CNTNAP2: variants seen among roughly 807,000 people sequenced by gnomAD.
CNTNAP2 encodes contactin-associated protein-like 2.
A neutral mutation model predicts 155.2 loss-of-function variants in CNTNAP2; 98 were observed. The observed-to-expected ratio is 0.63, with a 90% CI of 0.54 to 0.75. The LOEUF (loss-of-function observed/expected upper bound fraction) is 0.75, where lower values mean the gene tolerates loss of function less well. CNTNAP2 is among the 30% of genes least tolerant of loss of function. The pLI, the probability that CNTNAP2 is intolerant of heterozygous loss-of-function variation, is 0.00. For synonymous variants in CNTNAP2, 651 were observed against 631.2 expected, an observed-to-expected ratio of 1.03 and a Z score of -0.47; for missense variants, 1,727 against 1,688.1, an observed-to-expected ratio of 1.02 and a Z score of -0.40.
At chr7:147,041,401 A>G (rs984233412) in intron 3 of CNTNAP2, among the ~76,000 whole-genome samples, 3 of 152,200 alleles carry the variant, frequency 2.0e-5, no homozygotes, top group Non-Finnish European at 1.5e-5. Context: ...TAGAGAGGCT[A>G]CCCATACAAA....
At chr7:147,056,472 A>G (rs1217715650) in intron 4 of CNTNAP2, among the ~76,000 whole-genome samples, 1 of 152,202 alleles carries the variant, frequency 6.6e-6, no homozygotes, top group African/African-American at 2.4e-5. Context: ...TCCAAAGGAC[A>G]GGGACTGAGC....
chr7:146,907,831 C>G (rs1796172282), intron 3 of CNTNAP2, among the ~76,000 whole-genome samples: 1 of 151,984 alleles, frequency 6.6e-6, no homozygotes, highest in Non-Finnish European at 1.5e-5. Context: ...GGACTAAATG[C>G]TCTAATTAAA....
intron 18 of CNTNAP2, among the ~76,000 whole-genome samples, chr7:148,181,943 G>C (rs1795046078): frequency 1.3e-5 from 2 of 151,498 alleles, no homozygotes; most frequent in Non-Finnish European, 2.9e-5. Context: ...ATTTTTAGTA[G>C]AGACGGGGTT....
Position 148,293,224 on chromosome 7 carries a change from C to T in CNTNAP2, c.3475+26098C>T, listed in dbSNP as rs116767723. 5.3e-3 allele frequency among the ~76,000 whole-genome samples: 809 copies of T among 152,142 alleles called. 13 individuals are homozygous for T. The highest frequency in any genetic ancestry group is 0.018 in the African/African-American group (756 of 41,418). On this transcript the variant is annotated intron_variant, in intron 21 of 23. Transcript: ENST00000361727. The stretch of plus-strand genomic sequence containing the variant: ...ACGCATACACTCACACAAACACAAG[C>T]ATGGTATTTTTTGTGTGTGAGACAC...
intron 15 of CNTNAP2, among the ~76,000 whole-genome samples, chr7:148,007,264 G>A (rs138800174): frequency 1.5e-4 from 23 of 148,650 alleles, no homozygotes; most frequent in African/African-American, 4.9e-4. Context: ...GTAGGACTTC[G>A]TTGTACTTGG....
intron 1 of CNTNAP2, among the ~76,000 whole-genome samples, chr7:146,596,737 G>A (rs929510524): frequency 9.9e-5 from 15 of 151,820 alleles, no homozygotes; most frequent in African/African-American, 3.6e-4. Flanking sequence ...GCATGGATTC[G>A]AAAGTGAGCA....
At position 147,943,208 on chromosome 7, in the gene CNTNAP2, G is replaced by A. The variant is rs541880276; in HGVS notation, c.2256-34654G>A. ...ACAATACCTATCTCACTTTACTTTG[G>A]ACAACCAGATGCTTCAAAACTTGCT... On this transcript the variant is annotated intron_variant, in intron 14 of 23. Transcript: ENST00000361727. 1.7e-3 allele frequency among the ~76,000 whole-genome samples: 265 copies of A among 152,132 alleles called. 3 individuals carry two copies. Among genetic ancestry groups the A allele is most frequent in the African/African-American group, 6.2e-3 (258 of 41,494 alleles).
At chr7:146,893,309 AAG>A (rs759024032) in intron 3 of CNTNAP2, among the ~76,000 whole-genome samples, 6 of 151,988 alleles carry the variant, frequency 3.9e-5, no homozygotes, top group African/African-American at 9.7e-5. Flanking sequence ...TATCGTGCTG[AAG>A]AGAGTTATAA....
intron 1 of CNTNAP2, among the ~76,000 whole-genome samples, chr7:146,710,375 C>T (rs115051054): frequency 6.6e-6 from 1 of 152,216 alleles, no homozygotes; most frequent in East Asian, 1.9e-4. Flanking sequence ...GGACAAGAGG[C>T]CTGACTGTTT....
intron 20 of CNTNAP2, among the ~76,000 whole-genome samples, chr7:148,232,988 A>G (rs1397266613): frequency 6.6e-6 from 1 of 152,248 alleles, no homozygotes; most frequent in Non-Finnish European, 1.5e-5. Flanking sequence ...TGTAGTAGTT[A>G]TCAGACACCA....
chr7:148,365,751 CATGT>C (rs1798732002), intron 21 of CNTNAP2, among the ~76,000 whole-genome samples: 1 of 33,560 alleles, frequency 3.0e-5, no homozygotes, highest in South Asian at 6.2e-4. Context: ...TACATGTATA[CATGT>C]ATGTGTATAC....
chr7:148,417,910 CA>C lies in CNTNAP2; in HGVS notation c.*2298del. On this transcript the variant is annotated 3_prime_UTR_variant, in exon 24 of 24. Transcript: ENST00000361727. ...TCTCCTCCCTCTCCTTTTCCTGCCA[CA>C]AAAGGTGAAAAATGAGATCCAATCC... is the stretch of plus-strand genomic sequence containing the variant. 6.6e-6 allele frequency: 1 copy of C among 152,312 alleles called. No individual in the cohort carries two copies. The highest frequency in any genetic ancestry group is 1.5e-5 in the Non-Finnish European group (1 of 68,046). 9.4% of individuals were successfully genotyped at this position (152,312 alleles called of 1,614,324 possible).
intron 1 of CNTNAP2, among the ~76,000 whole-genome samples, chr7:146,227,076 C>A (rs1343461517): frequency 6.6e-6 from 1 of 151,896 alleles, no homozygotes; most frequent in African/African-American, 2.4e-5. Flanking sequence ...TATAGATAGG[C>A]ATAGAGAGAC....
At chr7:146,947,388 C>T (rs1360190854) in intron 3 of CNTNAP2, among the ~76,000 whole-genome samples, 1 of 106,568 alleles carries the variant, frequency 9.4e-6, no homozygotes, top group Admixed American at 9.4e-5. Flanking sequence ...CTCTCTTTCT[C>T]TCTCTCTCTC....
chr7:146,995,287 T>C (rs1025803932), intron 3 of CNTNAP2, among the ~76,000 whole-genome samples: 7 of 152,126 alleles, frequency 4.6e-5, no homozygotes, highest in African/African-American at 7.2e-5. Flanking sequence ...GAATAGACGC[T>C]GTAATAAAAA....
intron 8 of CNTNAP2, among the ~76,000 whole-genome samples, chr7:147,142,388 T>G (rs1227922754): frequency 6.6e-6 from 1 of 152,174 alleles, no homozygotes; most frequent in Non-Finnish European, 1.5e-5. Flanking sequence ...ATTGATTTTC[T>G]TATATTGAAC....
At chr7:148,148,618 G>A (rs569317830) in intron 17 of CNTNAP2, among the ~76,000 whole-genome samples, 1 of 152,144 alleles carries the variant, frequency 6.6e-6, no homozygotes, top group African/African-American at 2.4e-5. Flanking sequence ...CTGCCACTTG[G>A]GCTCCACCCT....
chr7:147,511,299 T>C (rs1182656425), intron 11 of CNTNAP2, among the ~76,000 whole-genome samples: 1 of 152,112 alleles, frequency 6.6e-6, no homozygotes, highest in Non-Finnish European at 1.5e-5. Context: ...CTTTTTCTTT[T>C]TGTTCTGATC....
chr7:146,853,435 T>A (rs149419989), intron 3 of CNTNAP2, among the ~76,000 whole-genome samples: 1 of 152,260 alleles, frequency 6.6e-6, no homozygotes, highest in African/African-American at 2.4e-5. Flanking sequence ...TAACTATTAA[T>A]CTCCCCCCAA....
Sources: allele counts gnomAD v4.1 joint callset (sites outside exome capture counted in the v4.1 genomes callset), GRCh38; gene constraint gnomAD v4.1.1; transcripts MANE v1.5; gene names NCBI Gene and HGNC (gene_info 2026-07-23, HGNC 2026-07-21).